TAF4: variants seen among roughly 807,000 people sequenced by gnomAD.
The protein encoded by TAF4 is transcription initiation factor TFIID subunit 4.
TAF4 carries 9 observed loss-of-function variants against 90.3 expected under a neutral mutation model. The observed-to-expected ratio is 0.10, with a 90% CI of 0.06 to 0.17. The LOEUF (loss-of-function observed/expected upper bound fraction) is 0.17, where lower values mean the gene tolerates loss of function less well. Ranked by LOEUF, TAF4 falls within the 10% of genes least tolerant of loss-of-function variation. The pLI is 1.00. For synonymous variants in TAF4, 818 were observed against 638.9 expected (o/e 1.28, Z -4.23); for missense variants, 1,351 against 1,370.7 (o/e 0.99, Z 0.23).
intron 1 of TAF4, among the ~76,000 whole-genome samples, chr20:62,047,695 G>A (rs763628808): frequency 5.9e-5 from 9 of 152,222 alleles, no homozygotes; most frequent in East Asian, 1.9e-4. Flanking sequence ...TGCCTCTGCC[G>A]TGAGCGCAGA....
intron 1 of TAF4, among the ~76,000 whole-genome samples, chr20:62,020,755 A>G (rs2055838080): frequency 6.6e-6 from 1 of 152,256 alleles, no homozygotes; most frequent in African/African-American, 2.4e-5. Context: ...AGTCAAATTA[A>G]AAATTCCTGG....
chr20:62,006,193 CATCT>C lies in TAF4; in HGVS notation c.2223+313_2223+316del, dbSNP rs1000612008. On this transcript the variant is annotated intron_variant, in intron 7 of 14. Coordinates refer to ENST00000252996, the MANE Select transcript of TAF4 (RefSeq NM_003185.4). The surrounding 1 kb of genome is among the most constrained non-coding windows in gnomAD (Gnocchi z 7.0). The stretch of plus-strand genomic sequence containing the variant: ...GACCGCTGCTCCTAATCCAAGAGAA[CATCT>C]ATCTACAAGATCCTCTAAAAGCACG... The C allele has an allele frequency of 4.2e-6, 1 of 236,666 alleles. No homozygotes were observed. The highest frequency in any genetic ancestry group is 2.2e-5 in the African/African-American group (1 of 44,642). 14.7% of individuals were successfully genotyped at this position (236,666 alleles called of 1,614,324 possible).
chr20:62,065,374 A>G lies in TAF4; in HGVS notation c.437T>C (p.Val146Ala), dbSNP rs1264780435. The G allele has an allele frequency of 5.4e-4, 502 of 921,456 alleles. 2 individuals are homozygous for G. The African/African-American group carries it at 9.4e-3, about 17-fold the overall frequency. 57.1% of individuals were successfully genotyped at this position (921,456 alleles called of 1,614,324 possible). A position where few individuals can be genotyped will look rare whatever the true frequency, so the allele number is the denominator to read the frequency against. ...GGGGGCGGGCTCGGGCCCCGCGGCG[A>G]CGGCGGCGGCGGCGGGCACCGGGGC... ...SCAPVPAAAA[V>A]AAGPEPAPAG... The change falls in exon 1 of 15, where the codon GTC becomes GCC. Residue 146 changes from valine (V) to alanine (A), a missense_variant. By Grantham distance (64) the Val-to-Ala change is moderately conservative. Around this residue, in one of 9 missense-constraint regions of TAF4, gnomAD observed 782 missense variants for 536.6 expected, o/e 1.46. Coordinates refer to ENST00000252996, the MANE Select transcript of TAF4 (RefSeq NM_003185.4).
At chr20:62,003,693 CT>C in intron 8 of TAF4, 37 bp downstream of exon 8, 1 of 1,541,648 alleles carries the variant, frequency 6.5e-7, no homozygotes. Context: ...GGGAGCAGCC[CT>C]TGGTGTTGAG....
intron 2 of TAF4, among the ~76,000 whole-genome samples, chr20:62,013,950 T>TGAGAGAGA (rs1555875746): frequency 7.9e-6 from 1 of 126,298 alleles, no homozygotes; most frequent in African/African-American, 3.1e-5. Flanking sequence ...TGTGTGTGTG[T>TGAGAGAGA]GAATCCGTGC....
rs142540012 is a variant in TAF4, at chr20:61,997,572, G to A, written c.3068C>T (p.Pro1023Leu). The A allele has an allele frequency of 3.3e-5, 53 of 1,612,622 alleles. No homozygotes were observed. Among genetic ancestry groups the A allele is most frequent in the South Asian group, 5.5e-5 (5 of 90,888 alleles). Residue 1023 changes from proline to leucine, a missense_variant, in exon 14 of 15, where the codon CCG becomes CTG. This residue lies in a region of TAF4 where 48 missense variants were observed against 50.6 expected (regional missense o/e 0.95). Coordinates refer to ENST00000252996, the MANE Select transcript of TAF4 (RefSeq NM_003185.4). ...GPRKKRKVDC[P>L]GPGSGAEGSG... ...TACCTCTGCTCCTGAGCCCGGCCCCGGACAGTCCACTTTCCTCTTTTTCCT... is the reference window on the plus strand; with the variant it reads ...TACCTCTGCTCCTGAGCCCGGCCCCAGACAGTCCACTTTCCTCTTTTTCCT...
Position 62,065,800 on chromosome 20 carries a change from C to G in TAF4, c.11G>C (p.Gly4Ala). The G allele has an allele frequency of 7.7e-7, 1 of 1,306,554 alleles. No individual in the cohort carries two copies. The highest frequency in any genetic ancestry group is 1.3e-5 in the South Asian group (1 of 76,008). The allele number at this position is 1,306,554 out of a possible 1,614,324, so 80.9% of individuals were successfully genotyped here. Reference sequence around the variant, plus strand: ...GAAGACCTCGTCCAGCAGATCCGAGCCCGCCGCCATCTTTTTTCCTCGGCC... The same window carrying G: ...GAAGACCTCGTCCAGCAGATCCGAGGCCGCCGCCATCTTTTTTCCTCGGCC... The part of the protein sequence containing the change: MAA[G>A]SDLLDEVFFN... The change falls in exon 1 of 15, where the codon GGC (glycine) becomes GCC (alanine). Residue 4 changes from glycine to alanine, a missense_variant. By Grantham distance (60) the Gly-to-Ala change is moderately conservative. This residue lies in a region of TAF4 where 782 missense variants were observed against 536.6 expected (regional missense o/e 1.46). Transcript: ENST00000252996.
At chr20:62,015,873 T>C (rs550434045) in intron 1 of TAF4, among the ~76,000 whole-genome samples, 2 of 152,350 alleles carry the variant, frequency 1.3e-5, no homozygotes, top group South Asian at 4.1e-4. Context: ...ATGCCTCTCC[T>C]GGGCTAACAT....
chr20:62,064,457 G>A lies in TAF4; in HGVS notation c.1354C>T (p.Pro452Ser). The change falls in exon 1 of 15, where the codon CCC (proline) becomes TCC (serine). Residue 452 changes from proline to serine, a missense_variant. Around this residue, in one of 9 missense-constraint regions of TAF4, gnomAD observed 782 missense variants for 536.6 expected, o/e 1.46. Coordinates refer to ENST00000252996, the MANE Select transcript of TAF4 (RefSeq NM_003185.4). ...NPTNIQNFQL[P>S]PGMVLVRSEN... is the part of the protein sequence containing the mutation. ...GCCCCGTGCGGCCACTCACCTGGGG[G>A]CAGCTGGAAGTTCTGGATGTTGGTC... is the stretch of plus-strand genomic sequence containing the variant. 2 of 1,442,766 alleles carry A rather than the reference G, an allele frequency of 1.4e-6. No individual in the cohort carries two copies. Among genetic ancestry groups the A allele is most frequent in the South Asian group, 1.4e-5 (1 of 69,338 alleles). 89.4% of individuals were successfully genotyped at this position (1,442,766 alleles called of 1,614,324 possible).
At chr20:62,012,615 A>C in intron 3 of TAF4, 200 bp downstream of exon 3, 1 of 675,820 alleles carries the variant, frequency 1.5e-6, no homozygotes. Context: ...AAAAAGAAAA[A>C]AGAAAAAAAG....
intron 14 of TAF4, among the ~76,000 whole-genome samples, chr20:61,991,706 T>C (rs1198566696): frequency 6.6e-6 from 1 of 151,854 alleles, no homozygotes; most frequent in African/African-American, 2.4e-5. Context: ...TGGGACTCTC[T>C]GAAGAAAGAA....
At chr20:62,014,015 T>G (rs1367212794) in intron 2 of TAF4, among the ~76,000 whole-genome samples, 9 of 110,940 alleles carry the variant, frequency 8.1e-5, no homozygotes, top group African/African-American at 4.1e-4. Flanking sequence ...GACGCGGGGG[T>G]GTGGGTGTGT....
At chr20:62,059,415 C>A (rs1360483396) in intron 1 of TAF4, among the ~76,000 whole-genome samples, 1 of 152,220 alleles carries the variant, frequency 6.6e-6, no homozygotes, top group African/African-American at 2.4e-5. Context: ...ATATTAAGCA[C>A]CCCATTTTCG....
At chr20:61,991,688 G>A (rs865963083) in intron 14 of TAF4, among the ~76,000 whole-genome samples, 8 of 152,082 alleles carry the variant, frequency 5.3e-5, no homozygotes, top group East Asian at 1.9e-4. Context: ...GATACAACAC[G>A]TGGAAAATGG....
intron 1 of TAF4, among the ~76,000 whole-genome samples, chr20:62,041,741 G>A (rs912776771): frequency 5.9e-5 from 9 of 151,774 alleles, no homozygotes; most frequent in Non-Finnish European, 1.2e-4. Context: ...GACCAGCCTG[G>A]GCAACAAAGC....
intron 9 of TAF4, among the ~76,000 whole-genome samples, chr20:62,001,488 C>A (rs1355229499): frequency 2.0e-5 from 3 of 152,234 alleles, no homozygotes; most frequent in African/African-American, 7.2e-5. Flanking sequence ...AAGAGTCCTG[C>A]CGGGAATTCC....
At chr20:62,007,907 A>G in intron 5 of TAF4, 1 of 336,910 alleles carries the variant, frequency 3.0e-6, no homozygotes, top group Non-Finnish European at 5.5e-6. Flanking sequence ...TCTCTTACTC[A>G]ATGCCAGTCT....
chr20:61,977,392 A>C (rs1405115599), intron 14 of TAF4, among the ~76,000 whole-genome samples: 1 of 152,246 alleles, frequency 6.6e-6, no homozygotes, highest in Non-Finnish European at 1.5e-5. Context: ...TGGCATCTTT[A>C]CAGCACATTC....
chr20:62,051,800 G>A (rs537443620), intron 1 of TAF4, among the ~76,000 whole-genome samples: 1 of 152,310 alleles, frequency 6.6e-6, no homozygotes, highest in Non-Finnish European at 1.5e-5. Context: ...AGCCATCACT[G>A]GCCAGGCCAT....
Sources: gnomAD v4.1 joint callset for allele counts (sites outside exome capture counted in the v4.1 genomes callset) on GRCh38, gnomAD v4.1.1 for gene constraint, gnomAD v4.1.1 regional missense constraint, Gnocchi (gnomAD v3.1) non-coding constraint, MANE v1.5 for transcripts, NCBI Gene and HGNC (gene_info 2026-07-23, HGNC 2026-07-21) for gene names.